The following FLT3 variants were observed in gnomAD, a reference collection of about 807,000 sequenced individuals.
FLT3 encodes fms related receptor tyrosine kinase 3.
Under a neutral mutation model 126.6 loss-of-function variants are expected in FLT3, and 46 were observed. The ratio of observed to expected loss-of-function variants is 0.36; its 90% confidence interval spans 0.29 to 0.46. The LOEUF (loss-of-function observed/expected upper bound fraction) is 0.46. Ranked by LOEUF, FLT3 falls within the 20% of genes least tolerant of loss-of-function variation. FLT3 has a pLI of 1.00. For synonymous variants in FLT3, 404 were observed against 434.4 expected, an observed-to-expected ratio of 0.93 and a Z score of 0.87; for missense variants, 1,069 against 1,190.3, an observed-to-expected ratio of 0.90 and a Z score of 1.50.
chr13:28,024,988 A>T, intron 17 of FLT3, 45 bp from the exon 18 acceptor site: 2 of 1,021,796 alleles, frequency 2.0e-6, no homozygotes, highest in Non-Finnish European at 3.0e-6. Flanking sequence ...TATTCTTCTC[A>T]GCAGACATTT....
At position 28,048,217 on chromosome 13, in the gene FLT3, G is replaced by A. The variant is rs1432131090; in HGVS notation, c.1205+58C>T. The A allele has an allele frequency of 1.9e-5, 26 of 1,392,542 alleles. No homozygotes were observed. The East Asian group carries it at 5.3e-4, about 28-fold the overall frequency. 86.3% of individuals were successfully genotyped at this position (1,392,542 alleles called of 1,614,324 possible). On this transcript the variant is annotated intron_variant, in intron 9 of 23. Transcript: ENST00000241453. ...AAGTATAAAACTGTCCTTCTCAAGG[G>A]CGACAAGCAAGGAGAATTATGCTAA...
At chr13:28,021,111 C>T (rs923058751) in intron 19 of FLT3, among the ~76,000 whole-genome samples, 4 of 152,108 alleles carry the variant, frequency 2.6e-5, no homozygotes, top group East Asian at 1.9e-4. Flanking sequence ...GTTCGTGGGC[C>T]AGGTACAGTG....
intron 1 of FLT3, among the ~76,000 whole-genome samples, chr13:28,071,266 T>C (rs550971743): frequency 1.3e-5 from 2 of 152,032 alleles, no homozygotes; most frequent in East Asian, 3.9e-4. Flanking sequence ...CGCCTCTGCC[T>C]CCCAAAGTGC....
chr13:28,046,733 C>T (rs992423272), intron 9 of FLT3, among the ~76,000 whole-genome samples: 3 of 151,942 alleles, frequency 2.0e-5, no homozygotes, highest in African/African-American at 7.3e-5. Context: ...GTAGCTGGGA[C>T]TAAAGGTGTA....
rs774511256 is a variant in FLT3, at chr13:28,027,190, T to C, written c.2105A>G (p.Tyr702Cys). Residue 702 changes from tyrosine (Y) to cysteine (C), a missense_variant, in exon 17 of 24, where the codon TAT (tyrosine) becomes TGT (cysteine). Physicochemically the swap from Tyr to Cys is radical, Grantham distance 194. Transcript: ENST00000241453. ...EYCCYGDLLN[Y>C]LRSKREKFHR... Reference sequence around the variant, plus strand: ...AAATTTTTCTCTTTTACTTCTTAGATAGTTGAGAAGATCACCATAGCAACA... The same window carrying C: ...AAATTTTTCTCTTTTACTTCTTAGACAGTTGAGAAGATCACCATAGCAACA... 1.9e-6 allele frequency: 3 copies of C among 1,612,520 alleles called. No homozygotes were observed. The highest frequency in any genetic ancestry group is 2.5e-6 in the Non-Finnish European group (3 of 1,178,518).
intron 6 of FLT3, 101 bp from the exon 7 acceptor site, chr13:28,049,875 AAAT>A: frequency 7.9e-7 from 1 of 1,261,360 alleles, no homozygotes; most frequent in Non-Finnish European, 1.1e-6. Context: ...GCATCATCTC[AAAT>A]ATTACTAACC....
chr13:28,034,471 A>T (rs1002512234), intron 12 of FLT3, 64 bp from the exon 13 acceptor site: 3 of 1,149,720 alleles, frequency 2.6e-6, no homozygotes, highest in Non-Finnish European at 3.9e-6. Context: ...TAAATAGTGG[A>T]CAACTCATTA....
chr13:28,043,565 A>G (rs2137708005), intron 9 of FLT3, among the ~76,000 whole-genome samples: 1 of 152,330 alleles, frequency 6.6e-6, no homozygotes, highest in Admixed American at 6.5e-5. Context: ...ATACATGACT[A>G]AAATACTGTA....
At chr13:28,081,787 T>C (rs1431011000) in intron 1 of FLT3, among the ~76,000 whole-genome samples, 1 of 151,622 alleles carries the variant, frequency 6.6e-6, no homozygotes, top group South Asian at 2.1e-4. Flanking sequence ...TTTTCTCTTC[T>C]GTAATATTTT....
intron 2 of FLT3, 93 bp from the exon 3 acceptor site, chr13:28,062,162 C>A: frequency 1.1e-6 from 1 of 905,636 alleles, no homozygotes; most frequent in Admixed American, 2.1e-5. Flanking sequence ...CATATGCATG[C>A]TGACACACTG....
chr13:28,037,213 A>C lies in FLT3; in HGVS notation c.1281T>G (p.Phe427Leu). The change falls in exon 10 of 24, where the codon TTT becomes TTG. Residue 427 changes from phenylalanine (F) to leucine (L), a missense_variant. Phe to Leu is a conservative substitution (Grantham distance 22). Coordinates refer to ENST00000241453, the MANE Select transcript of FLT3 (RefSeq NM_004119.3). The part of the protein sequence containing the change: ...IFHAENDDAQ[F>L]TKMFTLNIRR... The stretch of plus-strand genomic sequence containing the variant: ...TTATATTCAGCGTGAACATTTTGGT[A>C]AATTGGGCATCATCATTTTCTGCAT... 1 of 1,606,294 alleles carries C rather than the reference A, an allele frequency of 6.2e-7. No individual in the cohort carries two copies. Among genetic ancestry groups the C allele is most frequent in the Non-Finnish European group, 8.5e-7 (1 of 1,173,006 alleles).
In FLT3 at chr13:28,028,756, CCTTT is replaced by C. The variant is rs1873041590; in HGVS notation, c.1943-472_1943-469del. Among the ~76,000 whole-genome samples, 3 of 48,234 alleles carry C rather than the reference CCTTT, an allele frequency of 6.2e-5. No homozygotes were observed. In the South Asian group the frequency reaches 4.7e-3, roughly 75 times the overall value. 31.6% of individuals were successfully genotyped at this position (48,234 alleles called of 152,430 possible). A position where few individuals can be genotyped will look rare whatever the true frequency, so the allele number is the denominator to read the frequency against. ...TCCTGTGTTTTAAGACAGAATTTCT[CCTTT>C]TTCTTTTTTTTTTTTCCTTTTCTTT... On this transcript the variant is annotated intron_variant, in intron 15 of 23. Transcript: ENST00000241453.
chr13:28,030,098 C>G (rs1035477755), intron 15 of FLT3, among the ~76,000 whole-genome samples: 6 of 152,110 alleles, frequency 3.9e-5, no homozygotes, highest in African/African-American at 1.4e-4. Context: ...GTTCGATTGC[C>G]AGGTTCCATT....
Position 28,036,140 on chromosome 13 carries a change from T to C in FLT3, c.1310-97A>G, listed in dbSNP as rs542561045. 7.0e-6 allele frequency: 7 copies of C among 1,005,898 alleles called. No individual in the cohort carries two copies. The South Asian group carries it at 7.8e-5, about 11-fold the overall frequency. The allele number at this position is 1,005,898 out of a possible 1,614,324, so 62.3% of individuals were successfully genotyped here. A position where few individuals can be genotyped will look rare whatever the true frequency, so the allele number is the denominator to read the frequency against. On this transcript the variant is annotated intron_variant, in intron 10 of 23. Coordinates refer to ENST00000241453, the MANE Select transcript of FLT3 (RefSeq NM_004119.3). ...TGTGAAGCCAAGGTGGGAGGATCAC[T>C]TGGGCCAAGGAGTTCAAGACCAGCC...
At chr13:28,059,635 A>G (rs974382947) in intron 3 of FLT3, among the ~76,000 whole-genome samples, 6 of 152,326 alleles carry the variant, frequency 3.9e-5, no homozygotes, top group African/African-American at 1.4e-4. Context: ...AGCATTTCCC[A>G]AGAATAAATT....
chr13:28,034,204 T>C lies in FLT3; in HGVS notation c.1715A>G (p.Tyr572Cys), dbSNP rs121913491. 3.7e-6 allele frequency: 6 copies of C among 1,613,986 alleles called. No homozygotes were observed. The East Asian group carries it at 8.9e-5, about 24-fold the overall frequency. Residue 572 changes from tyrosine (Y) to cysteine (C), a missense_variant, in exon 14 of 24, where the codon TAT (tyrosine) becomes TGT (cysteine). Tyr to Cys is a radical substitution (Grantham distance 194). Coordinates refer to ENST00000241453, the MANE Select transcript of FLT3 (RefSeq NM_004119.3). ...CTGTACCATCTGTAGCTGGCTTTCATACCTAAATTGCTTCAGAGATGAAAT... is the reference window on the plus strand; with the variant it reads ...CTGTACCATCTGTAGCTGGCTTTCACACCTAAATTGCTTCAGAGATGAAAT... ...ICHKYKKQFR[Y>C]ESQLQMVQVT...
intron 23 of FLT3, among the ~76,000 whole-genome samples, chr13:28,012,157 G>GGT (rs1399192599): frequency 6.6e-6 from 1 of 152,196 alleles, no homozygotes; most frequent in Non-Finnish European, 1.5e-5. Context: ...TTCTGACACT[G>GGT]GTCACAGAGG....
intron 1 of FLT3, among the ~76,000 whole-genome samples, chr13:28,088,353 T>C (rs1878813400): frequency 6.6e-6 from 1 of 152,032 alleles, no homozygotes; most frequent in Admixed American, 6.6e-5. Flanking sequence ...AGTGGCACAA[T>C]CTCAGCTCAC....
intron 1 of FLT3, among the ~76,000 whole-genome samples, chr13:28,073,633 A>T (rs1207326602): frequency 6.6e-6 from 1 of 152,062 alleles, no homozygotes; most frequent in East Asian, 1.9e-4. Context: ...CCATCACCAC[A>T]ATCAAAATGG....
Sources: allele counts gnomAD v4.1 joint callset (sites outside exome capture counted in the v4.1 genomes callset), GRCh38; gene constraint gnomAD v4.1.1; transcripts MANE v1.5; gene names NCBI Gene and HGNC (gene_info 2026-07-23, HGNC 2026-07-21).